The following RNGTT variants were observed in gnomAD, a reference collection of about 807,000 sequenced individuals.
The protein encoded by RNGTT is mRNA-capping enzyme.
RNGTT carries 33 observed loss-of-function variants against 79.3 expected under a neutral mutation model. That is an observed-to-expected ratio of 0.42 (90% confidence interval 0.32 to 0.56). The LOEUF (loss-of-function observed/expected upper bound fraction) is 0.56, where lower values mean the gene tolerates loss of function less well. Among genes scored for constraint, RNGTT ranks in the 20% least tolerant of loss-of-function variants. RNGTT has a pLI of 0.17. For synonymous variants in RNGTT, 222 were observed against 235.9 expected, an observed-to-expected ratio of 0.94 and a Z score of 0.54; for missense variants, 497 against 739.1, an observed-to-expected ratio of 0.67 and a Z score of 3.80.
In RNGTT at chr6:88,628,028, C is replaced by G. The variant is rs113226939; in HGVS notation, c.1507-13633G>C. On this transcript the variant is annotated intron_variant, in intron 14 of 15. Transcript: ENST00000369485. ...TTTCTCAACAACTATATTTCTTCTA[C>G]TTTGAGAAAGAAATCTTGAAGTTAT... is the stretch of plus-strand genomic sequence containing the variant. Among the ~76,000 whole-genome samples, 862 of 152,204 alleles carry G rather than the reference C, an allele frequency of 5.7e-3. 9 individuals carry two copies. Among genetic ancestry groups the G allele is most frequent in the African/African-American group, 0.018 (767 of 41,554 alleles).
intron 13 of RNGTT, among the ~76,000 whole-genome samples, chr6:88,721,003 G>GAC (rs1413961896): frequency 6.6e-6 from 1 of 151,946 alleles, no homozygotes; most frequent in Non-Finnish European, 1.5e-5. Flanking sequence ...GTGGTCCCAA[G>GAC]ACACATTCTC....
At chr6:88,665,892 T>C (rs757777085) in intron 14 of RNGTT, among the ~76,000 whole-genome samples, 17 of 152,174 alleles carry the variant, frequency 1.1e-4, no homozygotes, top group Admixed American at 2.6e-4. Context: ...ACTATGGGTA[T>C]AAGGTGTCCA....
At chr6:88,894,769 A>G (rs1783176766) in intron 6 of RNGTT, among the ~76,000 whole-genome samples, 1 of 152,194 alleles carries the variant, frequency 6.6e-6, no homozygotes, top group South Asian at 2.1e-4. Context: ...TGGAAAGATC[A>G]CTAATTCTAA....
chr6:88,931,203 A>G (rs937027427), intron 2 of RNGTT, among the ~76,000 whole-genome samples: 1 of 151,306 alleles, frequency 6.6e-6, no homozygotes, highest in African/African-American at 2.4e-5. Flanking sequence ...AAAAAAAAAA[A>G]AAAAAAAGAA....
intron 13 of RNGTT, among the ~76,000 whole-genome samples, chr6:88,681,195 G>C (rs1346284503): frequency 6.6e-6 from 1 of 152,108 alleles, no homozygotes; most frequent in Non-Finnish European, 1.5e-5. Flanking sequence ...AAGAATAAAA[G>C]CTGCCTGATA....
chr6:88,720,438 T>C (rs1305071134), intron 13 of RNGTT, among the ~76,000 whole-genome samples: 2 of 152,010 alleles, frequency 1.3e-5, no homozygotes, highest in Non-Finnish European at 2.9e-5. Flanking sequence ...GACTCTAATT[T>C]TTCATACAAG....
intron 8 of RNGTT, among the ~76,000 whole-genome samples, chr6:88,878,383 C>G (rs1782588459): frequency 6.6e-6 from 1 of 152,080 alleles, no homozygotes; most frequent in South Asian, 2.1e-4. Flanking sequence ...AGGCATGAGC[C>G]ACCACGCCCA....
chr6:88,671,797 G>A (rs1275392267), intron 14 of RNGTT, among the ~76,000 whole-genome samples: 3 of 152,016 alleles, frequency 2.0e-5, no homozygotes, highest in South Asian at 2.1e-4. Flanking sequence ...TAGAAATAAC[G>A]CCACATACTT....
At chr6:88,686,288 G>A (rs998361632) in intron 13 of RNGTT, among the ~76,000 whole-genome samples, 2 of 151,696 alleles carry the variant, frequency 1.3e-5, no homozygotes, top group African/African-American at 4.8e-5. Flanking sequence ...GAAAACCTAA[G>A]TAAATGAAAG....
At chr6:88,900,671 T>C (rs539951350) in intron 6 of RNGTT, among the ~76,000 whole-genome samples, 175 of 150,040 alleles carry the variant, frequency 1.2e-3, no homozygotes, top group Non-Finnish European at 1.9e-3. Context: ...GAGGCAGAGG[T>C]TGCAATGAGC....
At chr6:88,770,085 G>A (rs1297620837) in intron 12 of RNGTT, among the ~76,000 whole-genome samples, 2 of 152,058 alleles carry the variant, frequency 1.3e-5, no homozygotes, top group Non-Finnish European at 1.5e-5. Flanking sequence ...CCTTGTTTGT[G>A]AAAGTCCAGA....
At chr6:88,789,681 A>G (rs73754829) in intron 12 of RNGTT, among the ~76,000 whole-genome samples, 3,759 of 152,310 alleles carry the variant, frequency 0.025, 140 homozygotes, top group African/African-American at 0.085. Context: ...ACTTCTTGCT[A>G]AGTTTTAAGT....
At chr6:88,922,138 T>A (rs965453604) in intron 4 of RNGTT, among the ~76,000 whole-genome samples, 3 of 151,796 alleles carry the variant, frequency 2.0e-5, no homozygotes, top group Admixed American at 1.3e-4. Flanking sequence ...ACTCCCAGGC[T>A]CAAGCAGTCT....
chr6:88,849,471 T>G (rs1156542164), intron 10 of RNGTT, among the ~76,000 whole-genome samples: 1 of 151,972 alleles, frequency 6.6e-6, no homozygotes, highest in Admixed American at 6.6e-5. Context: ...ATAATTAAAA[T>G]CAGAAATGTT....
intron 1 of RNGTT, among the ~76,000 whole-genome samples, chr6:88,962,197 T>C (rs957009577): frequency 1.2e-4 from 18 of 152,034 alleles, no homozygotes; most frequent in African/African-American, 4.1e-4. Flanking sequence ...AGAGGAAACT[T>C]TGAGGGGTTT....
chr6:88,681,588 A>T (rs1439124185), intron 13 of RNGTT, among the ~76,000 whole-genome samples: 2 of 152,186 alleles, frequency 1.3e-5, no homozygotes, highest in African/African-American at 4.8e-5. Flanking sequence ...AATTATTTTA[A>T]CAAATTGTAT....
chr6:88,647,778 A>T (rs1773634786), intron 14 of RNGTT, among the ~76,000 whole-genome samples: 1 of 151,156 alleles, frequency 6.6e-6, no homozygotes, highest in South Asian at 2.1e-4. Context: ...GGAACGAAAA[A>T]CATGCCCTGA....
At chr6:88,743,327 T>C (rs531659119) in intron 13 of RNGTT, among the ~76,000 whole-genome samples, 9 of 152,338 alleles carry the variant, frequency 5.9e-5, no homozygotes, top group South Asian at 2.1e-4. Flanking sequence ...CGGTAAAATA[T>C]ACAGAACAAA....
intron 14 of RNGTT, among the ~76,000 whole-genome samples, chr6:88,638,204 T>C (rs556486272): frequency 7.2e-5 from 11 of 152,254 alleles, no homozygotes; most frequent in African/African-American, 2.6e-4. Flanking sequence ...AGATAACATA[T>C]AGTTTTTCTC....
Sources: allele counts gnomAD v4.1 joint callset (sites outside exome capture counted in the v4.1 genomes callset), GRCh38; gene constraint gnomAD v4.1.1; transcripts MANE v1.5; gene names NCBI Gene and HGNC (gene_info 2026-07-23, HGNC 2026-07-21).